Variants in CDH13 observed in about 807,000 individuals in gnomAD.
The protein encoded by CDH13 is cadherin 13.
CDH13 carries 24 observed loss-of-function variants against 63.8 expected under a neutral mutation model. The ratio of observed to expected loss-of-function variants is 0.38; its 90% CI spans 0.27 to 0.53. CDH13 has a LOEUF of 0.53. Among genes scored for constraint, CDH13 ranks in the 20% least tolerant of loss-of-function variants. The probability of loss-of-function intolerance (pLI) is 0.85; values close to 1 mark genes in which losing one functional copy is unlikely to be tolerated. For missense variants in CDH13, 1,049 were observed against 903.1 expected (o/e 1.16, Z -2.07); for synonymous variants, 503 against 355.3 (o/e 1.42, Z -4.67).
intron 2 of CDH13, among the ~76,000 whole-genome samples, chr16:82,914,948 G>A (rs903687972): frequency 1.3e-5 from 2 of 152,174 alleles, no homozygotes; most frequent in Non-Finnish European, 2.9e-5. Context: ...TGTGTTCAAT[G>A]TCTTTCCCTC....
intron 1 of CDH13, among the ~76,000 whole-genome samples, chr16:82,777,138 T>C (rs1176590393): frequency 2.0e-5 from 3 of 152,192 alleles, no homozygotes; most frequent in African/African-American, 7.2e-5. Flanking sequence ...TGTGTGTTTG[T>C]TTGTTTATTT....
intron 1 of CDH13, among the ~76,000 whole-genome samples, chr16:82,837,267 G>C (rs1485713882): frequency 6.6e-6 from 1 of 152,176 alleles, no homozygotes; most frequent in African/African-American, 2.4e-5. Flanking sequence ...TAGTGGTGGT[G>C]AGCATGGGGA....
intron 5 of CDH13, among the ~76,000 whole-genome samples, chr16:83,235,266 T>C (rs1024948226): frequency 1.6e-4 from 24 of 152,234 alleles, no homozygotes; most frequent in Admixed American, 1.6e-3. Context: ...CACCCTCCAA[T>C]GCACAGGTCA....
chr16:83,621,754 C>T (rs751638199), intron 8 of CDH13, among the ~76,000 whole-genome samples: 5 of 151,076 alleles, frequency 3.3e-5, no homozygotes, highest in Non-Finnish European at 5.9e-5. Flanking sequence ...CCCAAAGTGC[C>T]GGTATTACAG....
chr16:82,903,834 C>T (rs1221660683), intron 2 of CDH13, among the ~76,000 whole-genome samples: 1 of 152,064 alleles, frequency 6.6e-6, no homozygotes, highest in South Asian at 2.1e-4. Flanking sequence ...AATAAGAGCA[C>T]TGAGGTTGAG....
At chr16:82,893,677 C>T (rs1238053896) in intron 2 of CDH13, among the ~76,000 whole-genome samples, 1 of 152,174 alleles carries the variant, frequency 6.6e-6, no homozygotes, top group Non-Finnish European at 1.5e-5. Flanking sequence ...AAGCCAGAAC[C>T]TGAATCTCTT....
chr16:83,488,059 T>C (rs866869008), intron 7 of CDH13, among the ~76,000 whole-genome samples: 1 of 152,350 alleles, frequency 6.6e-6, no homozygotes, highest in South Asian at 2.1e-4. Context: ...ACCTGAATTG[T>C]CCAGTAGAGT....
chr16:82,925,866 C>T (rs1338787019), intron 2 of CDH13: 1 of 151,922 alleles, frequency 6.6e-6, no homozygotes, highest in Non-Finnish European at 1.5e-5. Flanking sequence ...GTTGTTTTCT[C>T]CATGGAGTCC....
intron 8 of CDH13, among the ~76,000 whole-genome samples, chr16:83,665,756 C>T (rs558217908): frequency 1.3e-4 from 20 of 152,334 alleles, no homozygotes; most frequent in African/African-American, 4.3e-4. Flanking sequence ...TCCTCTGTCA[C>T]TTCTTTCCCA....
chr16:82,761,017 C>CTTTCTTTTTTTTTT (rs2034820362), intron 1 of CDH13, among the ~76,000 whole-genome samples: 3 of 40,452 alleles, frequency 7.4e-5, no homozygotes, highest in African/African-American at 1.8e-4. Flanking sequence ...TTCTTTCTTT[C>CTTTCTTTTTTTTTT]TTTTTTTTTT....
intron 7 of CDH13, among the ~76,000 whole-genome samples, chr16:83,515,841 T>C (rs1035256658): frequency 2.0e-5 from 3 of 152,204 alleles, no homozygotes; most frequent in African/African-American, 7.2e-5. Flanking sequence ...TATTAATGTG[T>C]CCTGCCACAT....
chr16:83,180,678 C>A (rs1052159590), intron 4 of CDH13, among the ~76,000 whole-genome samples: 1 of 152,206 alleles, frequency 6.6e-6, no homozygotes. Context: ...CTCCCGAAGC[C>A]ATGCCTCCTT....
chr16:83,144,831 C>G (rs7204589), intron 4 of CDH13, among the ~76,000 whole-genome samples: 3,692 of 152,286 alleles, frequency 0.024, 135 homozygotes, highest in African/African-American at 0.083. Flanking sequence ...TCCTCTTTTG[C>G]AAAAGCGTTC....
At chr16:83,352,529 C>T (rs757949214) in intron 6 of CDH13, among the ~76,000 whole-genome samples, 1 of 152,180 alleles carries the variant, frequency 6.6e-6, no homozygotes, top group Non-Finnish European at 1.5e-5. Flanking sequence ...ATGGTTATCA[C>T]TACGTATATT....
rs373588738 is a variant in CDH13, at chr16:83,363,331, A to C, written c.781+18325A>C. 1.9e-4 allele frequency among the ~76,000 whole-genome samples: 29 copies of C among 152,324 alleles called. No homozygotes were observed. The South Asian group carries it at 6.0e-3, about 32-fold the overall frequency. ...CCAAGAAAAAGAAAACATATAAAGC[A>C]GTATTTAAATATGTGTAAGCACATA... On this transcript the variant is annotated intron_variant, in intron 6 of 13. Transcript: ENST00000567109.
chr16:83,435,038 G>T (rs1032064334), intron 6 of CDH13, among the ~76,000 whole-genome samples: 2 of 112,502 alleles, frequency 1.8e-5, no homozygotes, highest in African/African-American at 7.2e-5. Context: ...GGAACATAGG[G>T]TTTGGAATTC....
intron 3 of CDH13, among the ~76,000 whole-genome samples, chr16:83,075,515 G>A (rs2032772118): frequency 1.3e-5 from 2 of 152,170 alleles, no homozygotes; most frequent in Admixed American, 6.5e-5. Context: ...GATGCAAAGG[G>A]AACAGGGTTG....
chr16:82,992,625 A>G (rs896807811), intron 2 of CDH13, among the ~76,000 whole-genome samples: 1 of 152,224 alleles, frequency 6.6e-6, no homozygotes, highest in African/African-American at 2.4e-5. Flanking sequence ...AATTGGTCTG[A>G]TTTAAAATTA....
At chr16:83,469,936 C>A (rs2073413329) in intron 6 of CDH13, among the ~76,000 whole-genome samples, 1 of 152,188 alleles carries the variant, frequency 6.6e-6, no homozygotes, top group Non-Finnish European at 1.5e-5. Flanking sequence ...GGCTGGGAGA[C>A]TTTTAAGAGA....
Sources: allele counts gnomAD v4.1 joint callset (sites outside exome capture counted in the v4.1 genomes callset), GRCh38; gene constraint gnomAD v4.1.1; transcripts MANE v1.5; gene names NCBI Gene and HGNC (gene_info 2026-07-23, HGNC 2026-07-21).